Variants in GALNTL6 observed in about 807,000 individuals in gnomAD.
The protein encoded by GALNTL6 is polypeptide N-acetylgalactosaminyltransferase-like 6.
A neutral mutation model predicts 73.7 loss-of-function variants in GALNTL6; 46 were observed. The ratio of observed to expected loss-of-function variants is 0.62; its 90% CI spans 0.49 to 0.80. GALNTL6 has a LOEUF of 0.80. Among genes scored for constraint, GALNTL6 ranks in the 30% least tolerant of loss-of-function variants. The probability of loss-of-function intolerance (pLI) is 0.00; values close to 1 mark genes in which losing one functional copy is unlikely to be tolerated. For synonymous variants in GALNTL6, 259 were observed against 263.7 expected (o/e 0.98, Z 0.17); for missense variants, 604 against 755.0 (o/e 0.80, Z 2.34).
At chr4:172,079,224 T>C (rs1187287296) in intron 2 of GALNTL6, among the ~76,000 whole-genome samples, 4 of 152,236 alleles carry the variant, frequency 2.6e-5, no homozygotes, top group South Asian at 4.1e-4. Context: ...TCATAGGTTT[T>C]TTTTGTCATT....
At chr4:172,559,816 A>G (rs1736287551) in intron 5 of GALNTL6, among the ~76,000 whole-genome samples, 1 of 152,210 alleles carries the variant, frequency 6.6e-6, no homozygotes, top group Admixed American at 6.5e-5. Flanking sequence ...TAATAAACAT[A>G]TTATCATGGC....
chr4:171,917,037 T>C (rs893181701), intron 2 of GALNTL6, among the ~76,000 whole-genome samples: 1 of 152,118 alleles, frequency 6.6e-6, no homozygotes, highest in Non-Finnish European at 1.5e-5. Context: ...TTCTACCCCG[T>C]GTATCTCTTC....
At chr4:172,692,826 A>G (rs540579505) in intron 5 of GALNTL6, among the ~76,000 whole-genome samples, 20 of 152,320 alleles carry the variant, frequency 1.3e-4, no homozygotes, top group African/African-American at 2.4e-4. Flanking sequence ...TTTATAAGTC[A>G]AGACTTCAAG....
At chr4:172,207,449 A>G (rs1736173689) in intron 2 of GALNTL6, among the ~76,000 whole-genome samples, 1 of 152,188 alleles carries the variant, frequency 6.6e-6, no homozygotes, top group Non-Finnish European at 1.5e-5. Context: ...AGTTGATTCA[A>G]GCAAGAAGAG....
At chr4:171,895,223 C>T (rs528045910) in intron 2 of GALNTL6, among the ~76,000 whole-genome samples, 124 of 152,234 alleles carry the variant, frequency 8.1e-4, no homozygotes, top group Middle Eastern at 3.4e-3. Context: ...TCTGTGGTGT[C>T]CATGTTCAGA....
chr4:171,918,375 T>C (rs965210853), intron 2 of GALNTL6, among the ~76,000 whole-genome samples: 3 of 152,144 alleles, frequency 2.0e-5, no homozygotes, highest in Non-Finnish European at 4.4e-5. Context: ...AGTAATATGA[T>C]GTGTCATGTT....
At chr4:171,819,346 C>T (rs1418060312) in intron 2 of GALNTL6, among the ~76,000 whole-genome samples, 1 of 152,152 alleles carries the variant, frequency 6.6e-6, no homozygotes, top group Non-Finnish European at 1.5e-5. Flanking sequence ...ATTAGTTCAT[C>T]ACATTGCCCC....
chr4:171,912,121 A>G (rs1737490733), intron 2 of GALNTL6, among the ~76,000 whole-genome samples: 1 of 152,166 alleles, frequency 6.6e-6, no homozygotes, highest in African/African-American at 2.4e-5. Flanking sequence ...AATGTTTATT[A>G]ATAGGACAAT....
intron 2 of GALNTL6, among the ~76,000 whole-genome samples, chr4:172,171,032 A>G (rs1734803686): frequency 6.6e-6 from 1 of 152,160 alleles, no homozygotes; most frequent in African/African-American, 2.4e-5. Flanking sequence ...TTTATCTCTC[A>G]TCATTTATTA....
At chr4:172,781,662 T>G (rs567546033) in intron 5 of GALNTL6, among the ~76,000 whole-genome samples, 1 of 151,976 alleles carries the variant, frequency 6.6e-6, no homozygotes, top group Non-Finnish European at 1.5e-5. Flanking sequence ...TAGCTGCAAA[T>G]AGAAAGAATT....
intron 5 of GALNTL6, among the ~76,000 whole-genome samples, chr4:172,706,367 T>C (rs1055926653): frequency 2.6e-5 from 4 of 152,104 alleles, no homozygotes; most frequent in African/African-American, 9.7e-5. Flanking sequence ...ATATGACAAA[T>C]CTTGAAATTC....
chr4:172,030,903 C>T (rs1341663712), intron 2 of GALNTL6, among the ~76,000 whole-genome samples: 2 of 151,790 alleles, frequency 1.3e-5, no homozygotes, highest in Non-Finnish European at 2.9e-5. Context: ...GTAAAATAAA[C>T]TCGCAGTCTT....
rs569601885 is a variant in GALNTL6, at chr4:171,836,465, A to G, written c.138+21747A>G. 7.6e-4 allele frequency among the ~76,000 whole-genome samples: 115 copies of G among 152,198 alleles called. 1 individual carries two copies. The highest frequency in any genetic ancestry group is 5.6e-3 in the South Asian group (27 of 4,826). ...AGATATGAAAGAATAGAATGATAAT[A>G]TTTCTACTATCATCTTTGCAAATAC... On this transcript the variant is annotated intron_variant, in intron 2 of 12. Coordinates refer to ENST00000506823, the MANE Select transcript of GALNTL6 (RefSeq NM_001034845.3).
chr4:172,820,480 C>T (rs1282884667), intron 7 of GALNTL6, among the ~76,000 whole-genome samples: 1 of 152,160 alleles, frequency 6.6e-6, no homozygotes. Context: ...TAATCAAAAT[C>T]AGTAAAGCAT....
intron 2 of GALNTL6, among the ~76,000 whole-genome samples, chr4:172,141,644 T>C (rs1241763373): frequency 6.6e-6 from 1 of 151,660 alleles, no homozygotes; most frequent in African/African-American, 2.4e-5. Flanking sequence ...ATTCTGCCAG[T>C]ATAAAAGGAC....
chr4:172,845,624 T>C (rs1299934439), intron 7 of GALNTL6, among the ~76,000 whole-genome samples: 1 of 152,198 alleles, frequency 6.6e-6, no homozygotes, highest in Non-Finnish European at 1.5e-5. Context: ...TTTGACTAGT[T>C]TTCAGTTTTA....
chr4:172,396,013 G>T (rs1416663360), intron 5 of GALNTL6, among the ~76,000 whole-genome samples: 4 of 152,016 alleles, frequency 2.6e-5, no homozygotes, highest in Non-Finnish European at 4.4e-5. Flanking sequence ...TCATCCTAGT[G>T]CCCCTGCCAC....
intron 2 of GALNTL6, among the ~76,000 whole-genome samples, chr4:171,853,772 C>T (rs1735599341): frequency 6.6e-6 from 1 of 151,630 alleles, no homozygotes; most frequent in East Asian, 1.9e-4. Flanking sequence ...CCACCACGCC[C>T]AGCTAATTTT....
At chr4:172,088,510 G>A (rs1366216138) in intron 2 of GALNTL6, among the ~76,000 whole-genome samples, 1 of 152,134 alleles carries the variant, frequency 6.6e-6, no homozygotes, top group Non-Finnish European at 1.5e-5. Flanking sequence ...GGCCGTCTGA[G>A]GGATAGTAAA....
Sources: allele counts gnomAD v4.1 joint callset (sites outside exome capture counted in the v4.1 genomes callset), GRCh38; gene constraint gnomAD v4.1.1; transcripts MANE v1.5; gene names NCBI Gene and HGNC (gene_info 2026-07-23, HGNC 2026-07-21).